Variants in CYP2J2 observed in about 807,000 individuals in gnomAD.
The protein encoded by CYP2J2 is cytochrome P450 2J2.
In CYP2J2, 41 loss-of-function variants were observed where a neutral mutation model predicts 48.8. The ratio of observed to expected loss-of-function variants is 0.84; its 90% CI spans 0.66 to 1.09. The LOEUF is 1.09. Ranked by LOEUF, CYP2J2 falls within the 50% of genes least tolerant of loss-of-function variation. The pLI, the probability that CYP2J2 is intolerant of heterozygous loss-of-function variation, is 0.00. For missense variants in CYP2J2, 644 were observed against 617.3 expected (o/e 1.04, Z -0.46); for synonymous variants, 221 against 227.1 (o/e 0.97, Z 0.24).
the CYP2J2 span, among the ~76,000 whole-genome samples, chr1:59,934,084 G>A: frequency 6.6e-6 from 1 of 152,080 alleles, no homozygotes; most frequent in Non-Finnish European, 1.5e-5. Flanking sequence ...ACAAATCCAT[G>A]CATATATGAG....
chr1:59,957,403 C>T, the CYP2J2 span, among the ~76,000 whole-genome samples: 1 of 152,072 alleles, frequency 6.6e-6, no homozygotes, highest in Non-Finnish European at 1.5e-5. Flanking sequence ...TTCCTTTGAG[C>T]CAGGCAGTTA....
chr1:59,901,223 C>T (rs1179125864), intron 7 of CYP2J2, 120 bp from the exon 8 acceptor site: 10 of 991,012 alleles, frequency 1.0e-5, no homozygotes, highest in Non-Finnish European at 1.5e-5. Flanking sequence ...CCACCCTCCC[C>T]AATTGTGGTA....
the CYP2J2 span, among the ~76,000 whole-genome samples, chr1:59,958,387 T>C: frequency 6.6e-6 from 1 of 152,182 alleles, no homozygotes; most frequent in Non-Finnish European, 1.5e-5. Flanking sequence ...TTCAATTTCT[T>C]GCTCTAACTG....
At chr1:59,899,284 T>C (rs1559071968) in intron 8 of CYP2J2, among the ~76,000 whole-genome samples, 1 of 152,256 alleles carries the variant, frequency 6.6e-6, no homozygotes, top group Non-Finnish European at 1.5e-5. Flanking sequence ...GACTGGAAGA[T>C]AGTCCTATGT....
At chr1:59,912,018 C>T (rs1644420945) in intron 3 of CYP2J2, 144 bp downstream of exon 3, 3 of 1,021,338 alleles carry the variant, frequency 2.9e-6, no homozygotes, top group African/African-American at 1.6e-5. Context: ...TTCTAAAACT[C>T]TTTGAGGACA....
chr1:59,942,779 G>C, the CYP2J2 span, among the ~76,000 whole-genome samples: 2 of 152,030 alleles, frequency 1.3e-5, no homozygotes, highest in Admixed American at 1.3e-4. Context: ...TGGAAGTAGA[G>C]TTAAAACGAG....
chr1:59,957,698 ACACAC>A, the CYP2J2 span, among the ~76,000 whole-genome samples: 317 of 150,904 alleles, frequency 2.1e-3, 1 homozygote, highest in African/African-American at 6.5e-3. Context: ...ACACACACAC[ACACAC>A]CACACACACA....
In CYP2J2 at chr1:59,918,786, C is replaced by T. The variant is rs1644488314; in HGVS notation, c.211-2686G>A. ...AAATAGAAAAAGAAAAGAACTGAAA[C>T]AGAATCTATAAAAGTCAAACAAAAG... On this transcript the variant is annotated intron_variant, in intron 1 of 8. Coordinates refer to ENST00000371204, the MANE Select transcript of CYP2J2 (RefSeq NM_000775.4). 1.3e-5 allele frequency among the ~76,000 whole-genome samples: 2 copies of T among 151,070 alleles called. 1 individual carries two copies. The highest frequency in any genetic ancestry group is 4.2e-4 in the South Asian group (2 of 4,790).
intron 2 of CYP2J2, among the ~76,000 whole-genome samples, chr1:59,915,110 T>TCTC (rs774689913): frequency 1.3e-5 from 2 of 152,204 alleles, no homozygotes; most frequent in Non-Finnish European, 2.9e-5. Flanking sequence ...CTCACATGTT[T>TCTC]TCTTGCTGAC....
chr1:59,940,899 T>C, the CYP2J2 span, among the ~76,000 whole-genome samples: 1 of 152,146 alleles, frequency 6.6e-6, no homozygotes, highest in South Asian at 2.1e-4. Flanking sequence ...AAGACAAATA[T>C]ATTCCCACTC....
At chr1:59,953,875 A>G in the CYP2J2 span, among the ~76,000 whole-genome samples, 1 of 152,084 alleles carries the variant, frequency 6.6e-6, no homozygotes, top group South Asian at 2.1e-4. Flanking sequence ...CATAGTAAGG[A>G]GTGTGATTTT....
chr1:59,915,515 C>A (rs78866136), intron 2 of CYP2J2, among the ~76,000 whole-genome samples: 2,549 of 152,236 alleles, frequency 0.017, 84 homozygotes, highest in African/African-American at 0.059. Flanking sequence ...GGCTCAAGAT[C>A]CTCTGTGTGA....
At chr1:59,944,111 A>C in the CYP2J2 span, among the ~76,000 whole-genome samples, 3 of 152,146 alleles carry the variant, frequency 2.0e-5, no homozygotes, top group Non-Finnish European at 4.4e-5. Flanking sequence ...GTATGTATAG[A>C]TTTCTATAGT....
chr1:59,907,949 G>A (rs1200461244), intron 5 of CYP2J2, 22 bp from the exon 6 acceptor site: 7 of 1,612,672 alleles, frequency 4.3e-6, no homozygotes, highest in Non-Finnish European at 5.9e-6. Flanking sequence ...AATGTTTGAT[G>A]TTATTTATTG....
chr1:59,955,281 TATATATATATCCATATATATATATCC>T, the CYP2J2 span, among the ~76,000 whole-genome samples: 2 of 102,716 alleles, frequency 1.9e-5, no homozygotes, highest in African/African-American at 1.2e-4. Flanking sequence ...TATATATCCA[TATATATATATCCATATATATATATCC>T]ATATATATCC....
chr1:59,910,242 T>A (rs1007614304), intron 4 of CYP2J2, among the ~76,000 whole-genome samples: 1 of 151,464 alleles, frequency 6.6e-6, no homozygotes, highest in Non-Finnish European at 1.5e-5. Context: ...GTTGAGTGTT[T>A]GAAGGCATTA....
chr1:59,937,003 C>A, the CYP2J2 span, among the ~76,000 whole-genome samples: 1 of 152,220 alleles, frequency 6.6e-6, no homozygotes, highest in African/African-American at 2.4e-5. Context: ...GCTGCTGTAG[C>A]AATGATCCCA....
chr1:59,920,243 A>G (rs1427590853), intron 1 of CYP2J2, among the ~76,000 whole-genome samples: 11 of 150,158 alleles, frequency 7.3e-5, no homozygotes. Context: ...AAGAAATCAA[A>G]GGCATTCTAG....
chr1:59,926,991 T>C (rs986198469), upstream of CYP2J2, among the ~76,000 whole-genome samples: 1 of 152,224 alleles, frequency 6.6e-6, no homozygotes, highest in African/African-American at 2.4e-5. Context: ...CCACAGACAT[T>C]TGAGCCTCTG....
Sources: allele counts gnomAD v4.1 joint callset (sites outside exome capture counted in the v4.1 genomes callset), GRCh38; gene constraint gnomAD v4.1.1; transcripts MANE v1.5; gene names NCBI Gene and HGNC (gene_info 2026-07-23, HGNC 2026-07-21).